Variants in SMAD2 observed in about 807,000 individuals in gnomAD.
SMAD2 encodes the protein SMAD family member 2.
In SMAD2, 8 loss-of-function variants were observed where a neutral mutation model predicts 64.4. The observed-to-expected ratio is 0.12, with a 90% CI of 0.07 to 0.22. The LOEUF is 0.22. SMAD2 is among the 10% of genes least tolerant of loss of function. The pLI, the probability that SMAD2 is intolerant of heterozygous loss-of-function variation, is 1.00. For synonymous variants in SMAD2, 203 were observed against 195.8 expected (o/e 1.04, Z -0.31); for missense variants, 289 against 561.2 (o/e 0.51, Z 4.90).
In SMAD2 at chr18:47,817,460, T is replaced by C. The variant is rs1306390704; in HGVS notation, c.*24367A>G. On this transcript the variant is annotated 3_prime_UTR_variant, in exon 11 of 11. Coordinates refer to ENST00000262160, the MANE Select transcript of SMAD2 (RefSeq NM_005901.6). ...AAGTGTCCCTCTGGTTTGAGTACTC[T>C]GGATTTAAAAACAATTTTTTTTTAG... The C allele has an allele frequency of 1.3e-5, 2 of 152,202 alleles. No individual in the cohort carries two copies. Among genetic ancestry groups the C allele is most frequent in the Non-Finnish European group, 2.9e-5 (2 of 68,044 alleles). The allele number at this position is 152,202 out of a possible 1,614,324, so 9.4% of individuals were successfully genotyped here.
intron 1 of SMAD2, among the ~76,000 whole-genome samples, chr18:47,903,871 C>A (rs893152576): frequency 8.9e-5 from 3 of 33,866 alleles, no homozygotes; most frequent in South Asian, 1.6e-3. Flanking sequence ...AGGGAAAAAA[C>A]AGTGTGGGGG....
intron 2 of SMAD2, among the ~76,000 whole-genome samples, chr18:47,880,581 C>T (rs1045684585): frequency 6.6e-6 from 1 of 152,158 alleles, no homozygotes; most frequent in African/African-American, 2.4e-5. Flanking sequence ...TTCCAATTCA[C>T]AAGTGTATCC....
At chr18:47,857,257 T>C (rs1386354285) in intron 6 of SMAD2, among the ~76,000 whole-genome samples, 1 of 152,226 alleles carries the variant, frequency 6.6e-6, no homozygotes, top group African/African-American at 2.4e-5. Flanking sequence ...TAAGCTTCCC[T>C]GCCAAAGTGA....
At chr18:47,914,911 G>T (rs2034276145) in intron 1 of SMAD2, among the ~76,000 whole-genome samples, 1 of 152,064 alleles carries the variant, frequency 6.6e-6, no homozygotes, top group South Asian at 2.1e-4. Flanking sequence ...ACATATTTAT[G>T]ATATCAAGTA....
chr18:47,887,466 G>T (rs751692363), intron 2 of SMAD2, among the ~76,000 whole-genome samples: 4 of 151,536 alleles, frequency 2.6e-5, no homozygotes, highest in Non-Finnish European at 5.9e-5. Flanking sequence ...GAGGTTGGAA[G>T]TCCAAATGCA....
chr18:47,888,142 G>A (rs1184281929), intron 2 of SMAD2, among the ~76,000 whole-genome samples: 1 of 151,690 alleles, frequency 6.6e-6, no homozygotes, highest in Non-Finnish European at 1.5e-5. Flanking sequence ...TCCAACTCCA[G>A]GTAAAATATA....
chr18:47,843,011 T>C (rs1272920526), intron 10 of SMAD2, among the ~76,000 whole-genome samples: 1 of 152,218 alleles, frequency 6.6e-6, no homozygotes, highest in Non-Finnish European at 1.5e-5. Context: ...AAGCAACACA[T>C]GTTCAATGTA....
At chr18:47,928,904 T>G (rs971935242) in intron 1 of SMAD2, among the ~76,000 whole-genome samples, 1 of 152,162 alleles carries the variant, frequency 6.6e-6, no homozygotes, top group Non-Finnish European at 1.5e-5. Flanking sequence ...ATAGTAAAAG[T>G]GGGCACACTC....
At chr18:47,914,070 A>G (rs944904400) in intron 1 of SMAD2, among the ~76,000 whole-genome samples, 8 of 152,228 alleles carry the variant, frequency 5.3e-5, no homozygotes, top group Non-Finnish European at 1.0e-4. Context: ...TATTAACTCT[A>G]TATTATAGTT....
intron 6 of SMAD2, among the ~76,000 whole-genome samples, chr18:47,853,780 CAAATCT>C (rs2030389136): frequency 6.6e-6 from 1 of 151,622 alleles, no homozygotes; most frequent in Admixed American, 6.6e-5. Context: ...TGGCAAGTCA[CAAATCT>C]GCTGGCAAGT....
chr18:47,899,971 A>G (rs1409546920), intron 1 of SMAD2, among the ~76,000 whole-genome samples: 11 of 152,104 alleles, frequency 7.2e-5, no homozygotes, highest in Admixed American at 7.2e-4. Flanking sequence ...TTCAAATCCC[A>G]AGGATGCCAC....
rs899877884 is a variant in SMAD2, at chr18:47,838,750, C to T, written c.*3077G>A. 3.0e-5 allele frequency: 7 copies of T among 232,304 alleles called. No individual in the cohort carries two copies. Among genetic ancestry groups the T allele is most frequent in the East Asian group, 6.0e-5 (1 of 16,558 alleles). 14.4% of individuals were successfully genotyped at this position (232,304 alleles called of 1,614,324 possible). The stretch of plus-strand genomic sequence containing the variant: ...TCTTCAGTACAGAATAAATATGCCA[C>T]TAAGTCAGTGAGAACTCCAACAGCC... On this transcript the variant is annotated 3_prime_UTR_variant, in exon 11 of 11. Coordinates refer to ENST00000262160, the MANE Select transcript of SMAD2 (RefSeq NM_005901.6).
At chr18:47,866,217 G>A (rs899555653) in intron 5 of SMAD2, among the ~76,000 whole-genome samples, 1 of 148,624 alleles carries the variant, frequency 6.7e-6, no homozygotes, top group African/African-American at 2.5e-5. Flanking sequence ...TAGGGAGGCT[G>A]AGGCAGGAGA....
rs1850751355 is a variant in SMAD2 at position 47,830,503 on chromosome 18, G to A, written c.*11324C>T. ...AAGGCAGGAGAATCACTTGAACCCA[G>A]GAGGCGAGGCTGCAGTGAGCCGAGA... On this transcript the variant is annotated 3_prime_UTR_variant, in exon 11 of 11. Coordinates refer to ENST00000262160, the MANE Select transcript of SMAD2 (RefSeq NM_005901.6). The A allele has an allele frequency of 6.6e-6, 1 of 151,144 alleles. No homozygotes were observed. The highest frequency in any genetic ancestry group is 2.4e-5 in the African/African-American group (1 of 40,944). 9.4% of individuals were successfully genotyped at this position (151,144 alleles called of 1,614,324 possible).
At chr18:47,879,201 T>A (rs1466875088) in intron 2 of SMAD2, among the ~76,000 whole-genome samples, 1 of 152,216 alleles carries the variant, frequency 6.6e-6, no homozygotes, top group East Asian at 1.9e-4. Flanking sequence ...CTGTTCTTTT[T>A]TTCTTTAGGT....
In SMAD2 at chr18:47,839,878, A is replaced by C. The variant is rs1913774173; in HGVS notation, c.*1949T>G. ...GTTAGCTCATGCATCCTTTCCTTAG[A>C]GGCTTTCCTTGATGTCCTACCTGAA... On this transcript the variant is annotated 3_prime_UTR_variant, in exon 11 of 11. Coordinates refer to ENST00000262160, the MANE Select transcript of SMAD2 (RefSeq NM_005901.6). The C allele has an allele frequency of 4.3e-6, 1 of 233,134 alleles. No homozygotes were observed. The highest frequency in any genetic ancestry group is 8.5e-6 in the Non-Finnish European group (1 of 118,022). The allele number at this position is 233,134 out of a possible 1,614,324, so 14.4% of individuals were successfully genotyped here.
intron 2 of SMAD2, among the ~76,000 whole-genome samples, chr18:47,878,724 T>G (rs1193374491): frequency 6.6e-6 from 1 of 152,194 alleles, no homozygotes; most frequent in Non-Finnish European, 1.5e-5. Context: ...TTCCAACTTC[T>G]CAGATACTTC....
intron 1 of SMAD2, among the ~76,000 whole-genome samples, chr18:47,909,441 G>A (rs893305852): frequency 6.6e-6 from 1 of 152,160 alleles, no homozygotes; most frequent in East Asian, 1.9e-4. Context: ...AAATCACTGA[G>A]GAGAAAGGGT....
chr18:47,923,157 G>A (rs1396762112), intron 1 of SMAD2, among the ~76,000 whole-genome samples: 1 of 146,352 alleles, frequency 6.8e-6, no homozygotes, highest in African/African-American at 2.5e-5. Flanking sequence ...CTTACATATT[G>A]GTTTATCATT....
Sources: gnomAD v4.1 joint callset for allele counts (sites outside exome capture counted in the v4.1 genomes callset) on GRCh38, gnomAD v4.1.1 for gene constraint, MANE v1.5 for transcripts, NCBI Gene and HGNC (gene_info 2026-07-23, HGNC 2026-07-21) for gene names.